CAPN10: variants seen among roughly 807,000 people sequenced by gnomAD.
CAPN10 encodes the protein calpain-10.
A neutral mutation model predicts 78.4 loss-of-function variants in CAPN10; 71 were observed. The observed-to-expected ratio is 0.91, with a 90% CI of 0.75 to 1.10. The LOEUF (loss-of-function observed/expected upper bound fraction) is 1.10, where lower values mean the gene tolerates loss of function less well. Among genes scored for constraint, CAPN10 ranks in the 50% least tolerant of loss-of-function variants. The pLI, the probability that CAPN10 is intolerant of heterozygous loss-of-function variation, is 0.00. For missense variants in CAPN10, 849 were observed against 924.6 expected (o/e 0.92, Z 1.06); for synonymous variants, 437 against 407.2 (o/e 1.07, Z -0.88).
rs201764223 is a variant in CAPN10 at position 240,598,016 on chromosome 2, G to A, written c.1872G>A (p.Lys624=). Residue 624 remains lysine (K), a synonymous_variant, in exon 10 of 12, where the codon AAG becomes AAA. Transcript: ENST00000391984. The stretch of plus-strand genomic sequence containing the variant: ...GCCTCCTGCCTGCGGGCACCTACAA[G>A]GTTGTGCCCTCCACCTACCTGCCGG... The part of the protein sequence containing the change: ...RLCLLPAGTY[K]VVPSTYLPDT... 3.2e-5 allele frequency: 52 copies of A among 1,613,270 alleles called. No homozygotes were observed. Among genetic ancestry groups the A allele is most frequent in the African/African-American group, 4.0e-5 (3 of 75,044 alleles).
rs888943361 is a variant in CAPN10 at position 240,586,780 on chromosome 2, C to G, written c.-132C>G. 18 of 920,962 alleles carry G rather than the reference C, an allele frequency of 2.0e-5. No individual in the cohort carries two copies. The highest frequency in any genetic ancestry group is 3.5e-5 in the African/African-American group (2 of 57,448). 57.0% of individuals were successfully genotyped at this position (920,962 alleles called of 1,614,324 possible). On this transcript the variant is annotated 5_prime_UTR_variant, in exon 1 of 12. Coordinates refer to ENST00000391984, the MANE Select transcript of CAPN10 (RefSeq NM_023083.4). ...GGCCTGGTCCAGCACCTGCGGGGCC[C>G]TCGGGCTTGGAGGGCTGGGCCGGGC...
At chr2:240,593,874 TC>T in intron 4 of CAPN10, 31 bp from the exon 5 acceptor site, 4 of 1,560,360 alleles carry the variant, frequency 2.6e-6, no homozygotes, top group South Asian at 2.4e-5. Flanking sequence ...ATGGTGCCCT[TC>T]CTGCCTGTGC....
chr2:240,588,558 TG>T (rs2093082414), intron 1 of CAPN10, among the ~76,000 whole-genome samples: 1 of 151,736 alleles, frequency 6.6e-6, no homozygotes, highest in African/African-American at 2.4e-5. Flanking sequence ...GCTGAGTAGT[TG>T]GGGAAGAGAG....
Position 240,586,794 on chromosome 2 carries a change from G to A in CAPN10, c.-118G>A. On this transcript the variant is annotated 5_prime_UTR_variant, in exon 1 of 12. Coordinates refer to ENST00000391984, the MANE Select transcript of CAPN10 (RefSeq NM_023083.4). ...CCTGCGGGGCCCTCGGGCTTGGAGG[G>A]CTGGGCCGGGCGGGGAACGGGCGGG... 9.4e-7 allele frequency: 1 copy of A among 1,064,324 alleles called. No individual in the cohort carries two copies. The highest frequency in any genetic ancestry group is 1.2e-6 in the Non-Finnish European group (1 of 817,500). 65.9% of individuals were successfully genotyped at this position (1,064,324 alleles called of 1,614,324 possible).
chr2:240,594,377 C>T (rs576077392), intron 5 of CAPN10, 166 bp from the exon 6 acceptor site: 46 of 735,590 alleles, frequency 6.3e-5, no homozygotes, highest in East Asian at 2.7e-4. Context: ...AGGCCCTGTG[C>T]TGCAGAGCTG....
At chr2:240,587,187 G>T in intron 1 of CAPN10, 135 bp downstream of exon 1, 1 of 427,664 alleles carries the variant, frequency 2.3e-6, no homozygotes, top group Non-Finnish European at 4.0e-6. Flanking sequence ...AGAAGTGGGC[G>T]CCCGGCCCCC....
intron 7 of CAPN10, 119 bp from the exon 8 acceptor site, chr2:240,596,200 G>A (rs978672705): frequency 3.4e-6 from 5 of 1,473,962 alleles, no homozygotes; most frequent in Non-Finnish European, 4.5e-6. Context: ...GGTGCTGACA[G>A]GCCTTGGCGC....
chr2:240,589,574 C>T (rs899631968), intron 2 of CAPN10, 100 bp downstream of exon 2: 43 of 1,420,650 alleles, frequency 3.0e-5, no homozygotes, highest in South Asian at 1.4e-4. Flanking sequence ...AGAGCTGTGC[C>T]GCAGCCGGAT....
chr2:240,593,587 G>A (rs886504737), intron 4 of CAPN10, among the ~76,000 whole-genome samples: 5 of 152,238 alleles, frequency 3.3e-5, no homozygotes, highest in African/African-American at 9.6e-5. Context: ...TTGAGAACTG[G>A]TGCTGTGCCA....
chr2:240,590,232 G>A (rs1340410628), intron 2 of CAPN10: 1 of 152,376 alleles, frequency 6.6e-6, no homozygotes, highest in Non-Finnish European at 1.5e-5. Flanking sequence ...CCGATGCTGG[G>A]TCAGAATGCT....
rs372438168 is a variant in CAPN10 at position 240,591,897 on chromosome 2, C to A, written c.471-36C>A. 1,882 of 1,577,412 alleles carry A rather than the reference C, an allele frequency of 1.2e-3. 4 individuals are homozygous for A. Among genetic ancestry groups the A allele is most frequent in the Non-Finnish European group, 1.5e-3 (1,776 of 1,153,498 alleles). On this transcript the variant is annotated intron_variant, in intron 3 of 11. Coordinates refer to ENST00000391984, the MANE Select transcript of CAPN10 (RefSeq NM_023083.4). ...ATCAGAGAGGGGGCCATGCTCAATG[C>A]CAGAGGCTCACTCCCATGGTGATTG... is the stretch of plus-strand genomic sequence containing the variant.
At chr2:240,589,965 A>C (rs962630716) in intron 2 of CAPN10, 1 of 156,844 alleles carries the variant, frequency 6.4e-6, no homozygotes, top group African/African-American at 2.4e-5. Flanking sequence ...GGGAGTGTTC[A>C]CCGTTTTATG....
In CAPN10 at chr2:240,594,188, C is replaced by A. The variant is rs1290789484; in HGVS notation, c.830+141C>A. 1.7e-5 allele frequency: 16 copies of A among 921,888 alleles called. No individual in the cohort carries two copies. The Middle Eastern group carries it at 1.1e-3, about 61-fold the overall frequency. The allele number at this position is 921,888 out of a possible 1,614,324, so 57.1% of individuals were successfully genotyped here. ...CCCTGAGTCCCTGCTCTCGTGACAC[C>A]ATGCTTGTCTTGGCTCCAGGCAATC... On this transcript the variant is annotated intron_variant, in intron 5 of 11. Coordinates refer to ENST00000391984, the MANE Select transcript of CAPN10 (RefSeq NM_023083.4).
At chr2:240,591,613 G>GCCAA (rs1211867902) in intron 3 of CAPN10, 10 of 408,212 alleles carry the variant, frequency 2.4e-5, no homozygotes, top group African/African-American at 2.0e-4. Flanking sequence ...AGGAAAAGCA[G>GCCAA]GGTTGGAGCT....
chr2:240,595,431 CCT>C, intron 7 of CAPN10, 127 bp downstream of exon 7: 1 of 1,027,606 alleles, frequency 9.7e-7, no homozygotes, highest in African/African-American at 1.6e-5. Context: ...CAGTCTCCCC[CCT>C]CCTTGGGCTG....
At position 240,594,602 on chromosome 2, in the gene CAPN10, A is replaced by G. The variant is rs2093124052; in HGVS notation, c.890A>G (p.Gln297Arg). The G allele has an allele frequency of 6.2e-7, 1 of 1,613,922 alleles. No individual in the cohort carries two copies. The highest frequency in any genetic ancestry group is 2.2e-5 in the East Asian group (1 of 44,872). The change falls in exon 6 of 12, where the codon CAG becomes CGG. Residue 297 changes from glutamine (Q) to arginine (R), a missense_variant. Physicochemically the swap from Gln to Arg is conservative, Grantham distance 43. Transcript: ENST00000391984. ...GCATCTGAGCTCCTGTCCCAGCTCCAGGAAGGGGAGTTCTGGGTGGAGGAG... is the reference window on the plus strand; with the variant it reads ...GCATCTGAGCTCCTGTCCCAGCTCCGGGAAGGGGAGTTCTGGGTGGAGGAG... ...AVASELLSQL[Q>R]EGEFWVEEEE...
At chr2:240,593,349 A>G (rs554137626) in intron 4 of CAPN10, among the ~76,000 whole-genome samples, 1 of 152,154 alleles carries the variant, frequency 6.6e-6, no homozygotes, top group Admixed American at 6.5e-5. Context: ...TCCTCTCTAG[A>G]CCGTTGCCCC....
At chr2:240,588,664 G>A (rs2093082938) in intron 1 of CAPN10, among the ~76,000 whole-genome samples, 1 of 152,240 alleles carries the variant, frequency 6.6e-6, no homozygotes, top group African/African-American at 2.4e-5. Flanking sequence ...TCAGAAGCTA[G>A]AGGAGCCTGT....
Position 240,593,886 on chromosome 2 carries a change from C to G in CAPN10, c.689-20C>G. The G allele has an allele frequency of 6.3e-7, 1 of 1,577,774 alleles. No individual in the cohort carries two copies. The highest frequency in any genetic ancestry group is 8.7e-7 in the Non-Finnish European group (1 of 1,155,994). ...TCCATGGTGCCCTTCCTGCCTGTGCCTGCGCCATTCCTCATGCAGGTGCCC... is the reference window on the plus strand; with the variant it reads ...TCCATGGTGCCCTTCCTGCCTGTGCGTGCGCCATTCCTCATGCAGGTGCCC... On this transcript the variant is annotated intron_variant, in intron 4 of 11. Coordinates refer to ENST00000391984, the MANE Select transcript of CAPN10 (RefSeq NM_023083.4).
Sources: gnomAD v4.1 joint callset for allele counts (sites outside exome capture counted in the v4.1 genomes callset) on GRCh38, gnomAD v4.1.1 for gene constraint, MANE v1.5 for transcripts, NCBI Gene and HGNC (gene_info 2026-07-23, HGNC 2026-07-21) for gene names.